Variants in SEMA5A observed in about 807,000 individuals in gnomAD.
SEMA5A encodes semaphorin-5A.
Under a neutral mutation model 135.5 loss-of-function variants are expected in SEMA5A, and 55 were observed. The observed-to-expected ratio is 0.41, with a 90% CI of 0.33 to 0.51. The LOEUF is 0.51. Ranked by LOEUF, SEMA5A falls within the 20% of genes least tolerant of loss-of-function variation. The pLI, the probability that SEMA5A is intolerant of heterozygous loss-of-function variation, is 0.37. For missense variants in SEMA5A, 1,290 were observed against 1,419.9 expected (o/e 0.91, Z 1.47); for synonymous variants, 580 against 546.5 (o/e 1.06, Z -0.85).
At chr5:9,364,756 T>C (rs1166664142) in intron 3 of SEMA5A, among the ~76,000 whole-genome samples, 2 of 152,192 alleles carry the variant, frequency 1.3e-5, no homozygotes, top group Non-Finnish European at 2.9e-5. Context: ...TCAAAAGTCA[T>C]AAAAAGCACC....
At chr5:9,098,529 T>C (rs116252171) in intron 16 of SEMA5A, among the ~76,000 whole-genome samples, 7,377 of 152,294 alleles carry the variant, frequency 0.048, 185 homozygotes, top group Middle Eastern at 0.11. Flanking sequence ...TATTGTCTGA[T>C]TGTTTTTAAA....
At chr5:9,062,496 C>T (rs1045229570) in intron 18 of SEMA5A, among the ~76,000 whole-genome samples, 3 of 152,162 alleles carry the variant, frequency 2.0e-5, no homozygotes, top group African/African-American at 4.8e-5. Flanking sequence ...GACAAGGTCT[C>T]GCTCTGTTAC....
chr5:9,539,814 T>C (rs911361259), intron 1 of SEMA5A, among the ~76,000 whole-genome samples: 24 of 152,218 alleles, frequency 1.6e-4, no homozygotes, highest in Non-Finnish European at 3.2e-4. Flanking sequence ...AATCTCCAAG[T>C]CATGCAAGGT....
Position 9,224,684 on chromosome 5 carries a change from T to C in SEMA5A, c.636A>G (p.Lys212=). The change falls in exon 8 of 23, where the codon AAA becomes AAG. Residue 212 remains lysine (K), a synonymous_variant. Coordinates refer to ENST00000382496, the MANE Select transcript of SEMA5A (RefSeq NM_003966.3). ...TGACGGAAGGCTTACCATTGAGCCATTTGGAGTTGTACTGCGCCGTGCGGA... is the reference window on the plus strand; with the variant it reads ...TGACGGAAGGCTTACCATTGAGCCACTTGGAGTTGTACTGCGCCGTGCGGA... ...PPLRTAQYNS[K]WLNEPNFVSS... 2 of 1,613,990 alleles carry C rather than the reference T, an allele frequency of 1.2e-6. No individual in the cohort carries two copies. The highest frequency in any genetic ancestry group is 2.2e-5 in the East Asian group (1 of 44,868).
At chr5:9,402,790 C>T (rs1756717108) in intron 2 of SEMA5A, among the ~76,000 whole-genome samples, 2 of 152,026 alleles carry the variant, frequency 1.3e-5, no homozygotes, top group African/African-American at 4.8e-5. Context: ...GTTGAATGCC[C>T]TTCTCACCTT....
At chr5:9,388,987 C>T (rs1326941359) in intron 2 of SEMA5A, among the ~76,000 whole-genome samples, 1 of 152,118 alleles carries the variant, frequency 6.6e-6, no homozygotes, top group Admixed American at 6.5e-5. Flanking sequence ...TATGCCAACA[C>T]AGAAAAGCAA....
chr5:9,424,585 T>C (rs1757578883), intron 2 of SEMA5A, among the ~76,000 whole-genome samples: 1 of 152,194 alleles, frequency 6.6e-6, no homozygotes, highest in South Asian at 2.1e-4. Context: ...CTAGACCCGA[T>C]GAGAAATGAA....
At chr5:9,350,882 G>A (rs1388311151) in intron 3 of SEMA5A, among the ~76,000 whole-genome samples, 1 of 152,152 alleles carries the variant, frequency 6.6e-6, no homozygotes, top group Admixed American at 6.5e-5. Flanking sequence ...AACCCTAACT[G>A]CAAGTATAAA....
rs766125610 is a variant in SEMA5A at position 9,122,779 on chromosome 5, G to C, written c.1658C>G (p.Thr553Arg). ...TCCCACGGCGCTGCCATCTGTGTGC[G>C]TGCAAGGCGTCCACGGAGACCACAC... ...FGVWSPWTPC[T>R]HTDGSAVGSC... Residue 553 changes from threonine to arginine, a missense_variant, in exon 14 of 23, where the codon ACG becomes AGG. Thr to Arg is a moderately conservative substitution (Grantham distance 71, BLOSUM62 -1). Transcript: ENST00000382496. 8.1e-6 allele frequency: 13 copies of C among 1,613,056 alleles called. No individual in the cohort carries two copies. Among genetic ancestry groups the C allele is most frequent in the Non-Finnish European group, 1.0e-5 (12 of 1,179,684 alleles).
chr5:9,174,660 TACAAGTTA>T, intron 11 of SEMA5A, among the ~76,000 whole-genome samples: 1 of 152,182 alleles, frequency 6.6e-6, no homozygotes, highest in East Asian at 1.9e-4. Flanking sequence ...GGGCCATCTA[TACAAGTTA>T]ACAAGGATGA....
chr5:9,106,122 C>T (rs576559231), intron 16 of SEMA5A, among the ~76,000 whole-genome samples: 42 of 152,256 alleles, frequency 2.8e-4, no homozygotes, highest in African/African-American at 9.9e-4. Flanking sequence ...GCCGCAATAA[C>T]ACCTTCCTAG....
chr5:9,277,049 T>C (rs1750298943), intron 5 of SEMA5A, among the ~76,000 whole-genome samples: 1 of 152,146 alleles, frequency 6.6e-6, no homozygotes, highest in Non-Finnish European at 1.5e-5. Flanking sequence ...GAGAAAATTT[T>C]TGCAATCTAT....
intron 2 of SEMA5A, among the ~76,000 whole-genome samples, chr5:9,408,186 T>C (rs1756970316): frequency 6.6e-6 from 1 of 151,044 alleles, no homozygotes; most frequent in South Asian, 2.1e-4. Context: ...AACACCACTG[T>C]TACCACCACC....
intron 1 of SEMA5A, among the ~76,000 whole-genome samples, chr5:9,522,530 T>C (rs1363183071): frequency 6.6e-6 from 1 of 152,042 alleles, no homozygotes; most frequent in Admixed American, 6.6e-5. Context: ...TGAGCCGAGA[T>C]TGCGCCATTG....
intron 5 of SEMA5A, among the ~76,000 whole-genome samples, chr5:9,307,574 A>G (rs1386087881): frequency 6.6e-6 from 1 of 151,892 alleles, no homozygotes; most frequent in Admixed American, 6.6e-5. Context: ...AGAACACATT[A>G]TCTCTTACTC....
At chr5:9,245,625 G>A (rs753648876) in intron 5 of SEMA5A, among the ~76,000 whole-genome samples, 9 of 152,054 alleles carry the variant, frequency 5.9e-5, no homozygotes, top group African/African-American at 1.2e-4. Flanking sequence ...ACCTTATTCC[G>A]TACTCTATAA....
intron 1 of SEMA5A, among the ~76,000 whole-genome samples, chr5:9,530,406 A>G (rs1283715627): frequency 6.6e-6 from 1 of 152,220 alleles, no homozygotes; most frequent in Non-Finnish European, 1.5e-5. Context: ...TAAACATCCA[A>G]AAAGAAACTA....
chr5:9,340,688 T>C (rs889956921), intron 3 of SEMA5A, among the ~76,000 whole-genome samples: 1 of 152,212 alleles, frequency 6.6e-6, no homozygotes, highest in South Asian at 2.1e-4. Context: ...ACTTTCCCAA[T>C]AAAACTGTGT....
intron 11 of SEMA5A, among the ~76,000 whole-genome samples, chr5:9,160,914 C>T (rs1026976291): frequency 6.6e-6 from 1 of 152,164 alleles, no homozygotes; most frequent in Non-Finnish European, 1.5e-5. Flanking sequence ...GAAATGTTTA[C>T]ACAATGCTTA....
Sources: gnomAD v4.1 joint callset for allele counts (sites outside exome capture counted in the v4.1 genomes callset) on GRCh38, gnomAD v4.1.1 for gene constraint, MANE v1.5 for transcripts, NCBI Gene and HGNC (gene_info 2026-07-23, HGNC 2026-07-21) for gene names.